Variants in LIPC observed in about 807,000 individuals in gnomAD.
LIPC encodes the protein hepatic triacylglycerol lipase.
Under a neutral mutation model 50.7 loss-of-function variants are expected in LIPC, and 44 were observed. The ratio of observed to expected loss-of-function variants is 0.87; its 90% CI spans 0.68 to 1.11. The LOEUF is 1.11. Ranked by LOEUF, LIPC falls within the 50% of genes most tolerant of loss-of-function variation. LIPC has a pLI of 0.00. For missense variants in LIPC, 697 were observed against 648.2 expected (o/e 1.08, Z -0.82); for synonymous variants, 271 against 256.4 (o/e 1.06, Z -0.54).
At chr15:58,438,423 G>A (rs991033554) in intron 1 of LIPC, among the ~76,000 whole-genome samples, 3 of 152,280 alleles carry the variant, frequency 2.0e-5, no homozygotes, top group East Asian at 1.9e-4. Context: ...GACCAGTTTC[G>A]AGTGGGGCGC....
chr15:58,485,805 C>T (rs1263290144), intron 1 of LIPC, among the ~76,000 whole-genome samples: 3 of 152,240 alleles, frequency 2.0e-5, no homozygotes, highest in Admixed American at 6.5e-5. Context: ...GTGGGCTTGG[C>T]CCTTGAGGCC....
chr15:58,464,913 C>T (rs1478574574), intron 1 of LIPC, among the ~76,000 whole-genome samples: 1 of 152,152 alleles, frequency 6.6e-6, no homozygotes, highest in African/African-American at 2.4e-5. Context: ...GTGGAGGTTG[C>T]AGTGAGCCAA....
chr15:58,550,805 C>A (rs1445229970), intron 6 of LIPC, among the ~76,000 whole-genome samples: 1 of 148,576 alleles, frequency 6.7e-6, no homozygotes, highest in Non-Finnish European at 1.5e-5. Context: ...TTGTACCACA[C>A]CCTCTCCTTT....
rs750823091 is a variant in LIPC, at chr15:58,548,325, T to G, written c.809-5T>G. ...TGATAACGTCCTTCTTGCCCTGTGTTCCAGCCATCACCCAGACCATAAAAT... is the reference window on the plus strand; with the variant it reads ...TGATAACGTCCTTCTTGCCCTGTGTGCCAGCCATCACCCAGACCATAAAAT... On this transcript the variant is annotated splice_region_variant and splice_polypyrimidine_tract_variant and intron_variant, in intron 5 of 8. Transcript: ENST00000299022. The G allele has an allele frequency of 6.8e-6, 11 of 1,614,042 alleles. No homozygotes were observed. Among genetic ancestry groups the G allele is most frequent in the Non-Finnish European group, 9.3e-6 (11 of 1,180,020 alleles).
chr15:58,544,990 G>A (rs1244097892), intron 4 of LIPC, among the ~76,000 whole-genome samples: 1 of 152,228 alleles, frequency 6.6e-6, no homozygotes, highest in Non-Finnish European at 1.5e-5. Flanking sequence ...TTCACATACA[G>A]TGAAATGTCC....
intron 7 of LIPC, among the ~76,000 whole-genome samples, chr15:58,561,225 GTTTTATA>G (rs1245937087): frequency 5.3e-5 from 8 of 152,256 alleles, no homozygotes; most frequent in Admixed American, 5.2e-4. Context: ...CTACAGCTTG[GTTTTATA>G]CATTATAGGA....
In LIPC at chr15:58,487,027, G is replaced by C. The variant is rs144550779; in HGVS notation, c.89-51306G>C. Among the ~76,000 whole-genome samples the C allele has an allele frequency of 5.9e-3, 902 of 152,290 alleles. 7 individuals are homozygous for C. Among genetic ancestry groups the C allele is most frequent in the African/African-American group, 0.018 (732 of 41,558 alleles). On this transcript the variant is annotated intron_variant, in intron 1 of 8. Coordinates refer to ENST00000299022, the MANE Select transcript of LIPC (RefSeq NM_000236.3). ...TGCGTGTGTACCTCACACTGTGCTA[G>C]GATGATTATGGTTCTGGCATACAAA... is the stretch of plus-strand genomic sequence containing the variant.
At chr15:58,528,889 A>G (rs968471321) in intron 1 of LIPC, among the ~76,000 whole-genome samples, 3 of 152,212 alleles carry the variant, frequency 2.0e-5, no homozygotes, top group African/African-American at 7.2e-5. Flanking sequence ...ATCACTGCCA[A>G]TACTAAAGCA....
intron 1 of LIPC, among the ~76,000 whole-genome samples, chr15:58,437,244 G>A (rs1215049423): frequency 3.9e-5 from 6 of 152,160 alleles, no homozygotes; most frequent in East Asian, 3.9e-4. Flanking sequence ...GGCTGTGTGT[G>A]TGTGCATTTT....
At chr15:58,448,375 G>C (rs569074396) in intron 1 of LIPC, among the ~76,000 whole-genome samples, 36 of 152,308 alleles carry the variant, frequency 2.4e-4, no homozygotes, top group African/African-American at 8.4e-4. Context: ...TCAGGACTGG[G>C]GCTTTCTGGG....
At chr15:58,461,744 T>C (rs1894356813) in intron 1 of LIPC, among the ~76,000 whole-genome samples, 1 of 152,088 alleles carries the variant, frequency 6.6e-6, no homozygotes, top group African/African-American at 2.4e-5. Flanking sequence ...CCCGTGCAAC[T>C]CTGCCTCCTA....
rs140258722 is a variant in LIPC at position 58,512,750 on chromosome 15, G to A, written c.89-25583G>A. 4.5e-3 allele frequency among the ~76,000 whole-genome samples: 687 copies of A among 152,238 alleles called. 7 individuals carry two copies. The highest frequency in any genetic ancestry group is 0.014 in the Middle Eastern group (4 of 294). ...GCCAAATATGGGTTGAGCAACAGTGGCACTGGAACGAGGTAGGAGGCGGGG... is the reference window on the plus strand; with the variant it reads ...GCCAAATATGGGTTGAGCAACAGTGACACTGGAACGAGGTAGGAGGCGGGG... On this transcript the variant is annotated intron_variant, in intron 1 of 8. Transcript: ENST00000299022.
At chr15:58,465,328 G>A (rs34297592) in intron 1 of LIPC, among the ~76,000 whole-genome samples, 20,036 of 152,120 alleles carry the variant, frequency 0.13, 1,374 homozygotes, top group Non-Finnish European at 0.17. Flanking sequence ...TCTTATGAAA[G>A]CCAACAGTTT....
At chr15:58,432,237 G>A in intron 1 of LIPC, 117 bp downstream of exon 1, 2 of 812,786 alleles carry the variant, frequency 2.5e-6, no homozygotes, top group East Asian at 5.0e-5. Context: ...GAGCGTGCCA[G>A]GTGGTTCTAT....
intron 6 of LIPC, among the ~76,000 whole-genome samples, chr15:58,560,061 A>G (rs1253141311): frequency 6.6e-6 from 1 of 152,254 alleles, no homozygotes; most frequent in Non-Finnish European, 1.5e-5. Flanking sequence ...TGAGTAAATG[A>G]GATGATGCAA....
chr15:58,452,663 G>A (rs1484403018), intron 1 of LIPC, among the ~76,000 whole-genome samples: 1 of 152,098 alleles, frequency 6.6e-6, no homozygotes, highest in African/African-American at 2.4e-5. Context: ...TCTGCAGTGG[G>A]GAGGGGATAG....
chr15:58,544,395 C>CTT (rs66982295), intron 4 of LIPC, among the ~76,000 whole-genome samples: 55,141 of 127,930 alleles, frequency 0.43, 12,965 homozygotes, highest in East Asian at 0.57. Context: ...TTTTCTCTTT[C>CTT]TTTTTTTTTT....
At chr15:58,485,564 C>A (rs1891346236) in intron 1 of LIPC, among the ~76,000 whole-genome samples, 1 of 143,312 alleles carries the variant, frequency 7.0e-6, no homozygotes, top group Admixed American at 7.2e-5. Flanking sequence ...GAAGACCTTT[C>A]ATACTGTAAG....
chr15:58,534,024 T>C (rs1359316253), intron 1 of LIPC, among the ~76,000 whole-genome samples: 1 of 152,212 alleles, frequency 6.6e-6, no homozygotes, highest in Admixed American at 6.5e-5. Flanking sequence ...TCCTCAGTAT[T>C]TGGTGACCCA....
Sources: gnomAD v4.1 joint callset for allele counts (sites outside exome capture counted in the v4.1 genomes callset) on GRCh38, gnomAD v4.1.1 for gene constraint, MANE v1.5 for transcripts, NCBI Gene and HGNC (gene_info 2026-07-23, HGNC 2026-07-21) for gene names.